Variants in TRAPPC9 observed in about 807,000 individuals in gnomAD.
TRAPPC9 encodes IKK2 binding protein.
A neutral mutation model predicts 124.0 loss-of-function variants in TRAPPC9; 83 were observed. The ratio of observed to expected loss-of-function variants is 0.67; its 90% CI spans 0.56 to 0.80. TRAPPC9 has a LOEUF of 0.80. Ranked by LOEUF, TRAPPC9 falls within the 30% of genes least tolerant of loss-of-function variation. The pLI is 0.00. For missense variants in TRAPPC9, 1,302 were observed against 1,508.3 expected (o/e 0.86, Z 2.27); for synonymous variants, 638 against 617.5 (o/e 1.03, Z -0.49).
chr8:139,918,711 G>A (rs972957660), intron 19 of TRAPPC9, among the ~76,000 whole-genome samples: 1 of 152,216 alleles, frequency 6.6e-6, no homozygotes, highest in Non-Finnish European at 1.5e-5. Context: ...GCACTTCTCC[G>A]GATCAATGTT....
intron 14 of TRAPPC9, among the ~76,000 whole-genome samples, chr8:140,277,331 C>G (rs73714852): frequency 0.041 from 6,241 of 152,244 alleles, 179 homozygotes; most frequent in African/African-American, 0.069. Flanking sequence ...ATTTAAATAT[C>G]TTTAACGATC....
chr8:139,887,217 C>CA (rs1554665877), intron 20 of TRAPPC9, among the ~76,000 whole-genome samples: 1 of 130,600 alleles, frequency 7.7e-6, no homozygotes, highest in Non-Finnish European at 1.6e-5. Context: ...CCTATTTTAG[C>CA]TTTTTTTTTT....
chr8:140,430,786 G>A (rs567110639), intron 4 of TRAPPC9, among the ~76,000 whole-genome samples: 2 of 152,170 alleles, frequency 1.3e-5, no homozygotes, highest in Non-Finnish European at 2.9e-5. Context: ...CTACAGGCAC[G>A]CGCCAACATC....
chr8:139,841,583 A>AG lies in TRAPPC9; in HGVS notation c.3055+44295dup, dbSNP rs1401692279. ...GCTCTGGCCAATCCATCCCAGGGCA[A>AG]GGCTGGCCAGGTAGGGAGGGTGGTG... On this transcript the variant is annotated intron_variant, in intron 21 of 22. Transcript: ENST00000438773. Among the ~76,000 whole-genome samples, 13 of 152,322 alleles carry AG rather than the reference A, an allele frequency of 8.5e-5. 1 individual carries two copies. The South Asian group carries it at 2.7e-3, about 32-fold the overall frequency.
chr8:139,982,116 C>T (rs936376088), intron 19 of TRAPPC9, among the ~76,000 whole-genome samples: 1 of 151,772 alleles, frequency 6.6e-6, no homozygotes, highest in East Asian at 1.9e-4. Context: ...CCACAATTGT[C>T]GTATCTTAAT....
intron 2 of TRAPPC9, among the ~76,000 whole-genome samples, chr8:140,445,950 G>C (rs2071236618): frequency 6.6e-6 from 1 of 152,190 alleles, no homozygotes; most frequent in South Asian, 2.1e-4. Flanking sequence ...CTCTAGATCA[G>C]TAATGCAAAC....
chr8:139,988,063 T>C (rs1273258570), intron 19 of TRAPPC9, among the ~76,000 whole-genome samples: 2 of 151,752 alleles, frequency 1.3e-5, no homozygotes, highest in African/African-American at 2.4e-5. Flanking sequence ...GATGCTGACA[T>C]GCAGTTCCCA....
intron 21 of TRAPPC9, among the ~76,000 whole-genome samples, chr8:139,855,392 C>G (rs748191425): frequency 5.9e-5 from 9 of 152,144 alleles, no homozygotes; most frequent in Non-Finnish European, 1.0e-4. Flanking sequence ...GCAGGGGTAC[C>G]TTGCCATGTC....
chr8:140,164,085 C>T (rs774016153), intron 17 of TRAPPC9, among the ~76,000 whole-genome samples: 1 of 152,172 alleles, frequency 6.6e-6, no homozygotes, highest in Non-Finnish European at 1.5e-5. Flanking sequence ...ACCCAGCACC[C>T]ACATGTACTC....
rs541021059 is a variant in TRAPPC9, at chr8:139,883,892, G to A, written c.3055+1987C>T. On this transcript the variant is annotated intron_variant, in intron 21 of 22. Coordinates refer to ENST00000438773, the MANE Select transcript of TRAPPC9 (RefSeq NM_001160372.4). ...TTAGTCTCCCTGTTTGTAAATGATG[G>A]AGAAAACCTCACTCACGGGACTGTG... Among the ~76,000 whole-genome samples the A allele has an allele frequency of 9.3e-4, 142 of 152,300 alleles. 2 individuals carry two copies. The highest frequency in any genetic ancestry group is 1.2e-3 in the Non-Finnish European group (85 of 68,034).
chr8:139,983,273 G>C (rs1837028565), intron 19 of TRAPPC9, among the ~76,000 whole-genome samples: 2 of 152,110 alleles, frequency 1.3e-5, no homozygotes, highest in Admixed American at 1.3e-4. Context: ...CCAGCGTCTT[G>C]ATCTTGAACC....
intron 9 of TRAPPC9, among the ~76,000 whole-genome samples, chr8:140,345,461 G>A (rs1474709938): frequency 6.6e-6 from 1 of 152,198 alleles, no homozygotes; most frequent in Non-Finnish European, 1.5e-5. Flanking sequence ...AGGTCCTGGG[G>A]GCAGAGGAGA....
chr8:140,073,762 T>A (rs910054437), intron 17 of TRAPPC9, among the ~76,000 whole-genome samples: 10 of 152,180 alleles, frequency 6.6e-5, no homozygotes, highest in African/African-American at 2.4e-4. Context: ...TGGGTAGGGA[T>A]GATAAAGATG....
intron 17 of TRAPPC9, among the ~76,000 whole-genome samples, chr8:140,208,355 G>A (rs1370278088): frequency 6.6e-5 from 10 of 152,058 alleles, no homozygotes; most frequent in Admixed American, 1.3e-4. Flanking sequence ...AAAACAAATT[G>A]AAAAATATTT....
chr8:140,045,193 T>A lies in TRAPPC9; in HGVS notation c.2557-21114A>T, dbSNP rs545048662. 1.6e-4 allele frequency among the ~76,000 whole-genome samples: 25 copies of A among 152,298 alleles called. No homozygotes were observed. The Middle Eastern group carries it at 0.014, about 83-fold the overall frequency. ...GTCAGACACCAGTCCAGTATTGCTA[T>A]TCCACCGGCTCTGAGACCTGGGCAA... On this transcript the variant is annotated intron_variant, in intron 17 of 22. Transcript: ENST00000438773.
chr8:139,925,581 C>G (rs1832759942), intron 19 of TRAPPC9, among the ~76,000 whole-genome samples: 1 of 151,974 alleles, frequency 6.6e-6, no homozygotes. Context: ...AACCCCATCT[C>G]TACTAACAAT....
At chr8:139,972,871 C>T (rs1836192068) in intron 19 of TRAPPC9, among the ~76,000 whole-genome samples, 1 of 152,168 alleles carries the variant, frequency 6.6e-6, no homozygotes, top group Non-Finnish European at 1.5e-5. Context: ...GTCGGAGTTC[C>T]AGTTCCCCAC....
At chr8:140,438,972 G>A (rs1179093647) in intron 3 of TRAPPC9, 80 bp downstream of exon 3, 4 of 1,585,828 alleles carry the variant, frequency 2.5e-6, no homozygotes, top group East Asian at 2.2e-5. Context: ...TTACAGGCGT[G>A]AGCCACCGCA....
intron 18 of TRAPPC9, among the ~76,000 whole-genome samples, chr8:139,997,210 T>C (rs909225485): frequency 1.3e-5 from 2 of 151,752 alleles, no homozygotes; most frequent in Non-Finnish European, 2.9e-5. Context: ...GAAGAGATAA[T>C]GCATTCTACA....
Sources: gnomAD v4.1 joint callset for allele counts (sites outside exome capture counted in the v4.1 genomes callset) on GRCh38, gnomAD v4.1.1 for gene constraint, MANE v1.5 for transcripts, NCBI Gene and HGNC (gene_info 2026-07-23, HGNC 2026-07-21) for gene names.